The following NFKB1 variants were observed in gnomAD, a reference collection of about 807,000 sequenced individuals.
NFKB1 encodes nuclear factor kappa B subunit 1, also known as nuclear factor NF-kappa-B p105 subunit.
In NFKB1, 9 loss-of-function variants were observed where a neutral mutation model predicts 105.1. The ratio of observed to expected loss-of-function variants is 0.09; its 90% CI spans 0.05 to 0.15. The LOEUF (loss-of-function observed/expected upper bound fraction) is 0.15, where lower values mean the gene tolerates loss of function less well. Ranked by LOEUF, NFKB1 falls within the 10% of genes least tolerant of loss-of-function variation. NFKB1 has a pLI of 1.00. For synonymous variants in NFKB1, 440 were observed against 442.2 expected, an observed-to-expected ratio of 1.00 and a Z score of 0.06; for missense variants, 830 against 1,203.7, an observed-to-expected ratio of 0.69 and a Z score of 4.59.
chr4:102,612,366 A>C, intron 21 of NFKB1, 68 bp from the exon 22 acceptor site: 1 of 1,514,070 alleles, frequency 6.6e-7, no homozygotes, highest in Non-Finnish European at 9.0e-7. Context: ...GCCAGGCAGC[A>C]ATGATCAGTC....
rs1727090411 is a variant in NFKB1 at position 102,600,895 on chromosome 4, T to C, written c.1638T>C (p.Ser546=). The C allele has an allele frequency of 6.5e-7, 1 of 1,530,334 alleles. No homozygotes were observed. The highest frequency in any genetic ancestry group is 9.0e-7 in the Non-Finnish European group (1 of 1,107,194). The allele number at this position is 1,530,334 out of a possible 1,614,324, so 94.8% of individuals were successfully genotyped here. The change falls in exon 16 of 24, where the codon AGT becomes AGC. Residue 546 remains serine (S), a splice_region_variant and synonymous_variant. Transcript: ENST00000226574. ...LTAVQDENGD[S]VLHLAIIHLH... ...TATTGCCACTGTGTTTTCATTCCAG[T>C]GTCTTACACTTAGCAATCATCCACC...
intron 20 of NFKB1, among the ~76,000 whole-genome samples, chr4:102,611,557 A>G (rs933011704): frequency 6.6e-6 from 1 of 152,220 alleles, no homozygotes; most frequent in African/African-American, 2.4e-5. Context: ...CTCAGTTAAA[A>G]TGTCAGTATT....
chr4:102,608,639 A>ATCTGATAT (rs1423900480), intron 19 of NFKB1, among the ~76,000 whole-genome samples: 1 of 147,138 alleles, frequency 6.8e-6, no homozygotes, highest in Non-Finnish European at 1.5e-5. Flanking sequence ...GCCCTGACAT[A>ATCTGATAT]TCTGATATAC....
chr4:102,556,977 G>C (rs1035451805), intron 5 of NFKB1: 1 of 152,064 alleles, frequency 6.6e-6, no homozygotes, highest in Non-Finnish European at 1.5e-5. Flanking sequence ...GAAAGAGAAG[G>C]GTAATTCAAG....
At chr4:102,577,071 A>G (rs1724884228) in intron 7 of NFKB1, 32 bp downstream of exon 7, 1 of 1,596,226 alleles carries the variant, frequency 6.3e-7, no homozygotes, top group Middle Eastern at 1.7e-4. Context: ...TTGATCCTCC[A>G]AGGGGTCCAG....
At chr4:102,595,527 A>G (rs1726537010) in intron 13 of NFKB1, among the ~76,000 whole-genome samples, 3 of 152,244 alleles carry the variant, frequency 2.0e-5, no homozygotes, top group Non-Finnish European at 4.4e-5. Flanking sequence ...TGTTATCTTC[A>G]TGACTGCTCT....
chr4:102,594,825 A>G (rs929178602), intron 12 of NFKB1, 67 bp from the exon 13 acceptor site: 32 of 1,148,168 alleles, frequency 2.8e-5, no homozygotes, highest in Non-Finnish European at 3.8e-5. Context: ...AGAGACAGAC[A>G]CTAAGTTGTG....
rs771511171 is a variant in NFKB1, at chr4:102,593,457, C to T, written c.1099C>T (p.Leu367Phe). 19 of 1,613,622 alleles carry T rather than the reference C, an allele frequency of 1.2e-5. No individual in the cohort carries two copies. In the South Asian group the frequency reaches 2.1e-4, roughly 18 times the overall value. ...AGAAGTGCAGAGGAAACGTCAGAAG[C>T]TCATGCCCAATTTTTCGGATAGTTT... ...KEEVQRKRQK[L>F]MPNFSDSFGG... Residue 367 changes from leucine to phenylalanine, a missense_variant, in exon 12 of 24, where the codon CTC becomes TTC. Physicochemically the swap from Leu to Phe is conservative, Grantham distance 22. This residue lies in a region of NFKB1 where 42 missense variants were observed against 145.7 expected (regional missense o/e 0.29). Transcript: ENST00000226574.
intron 11 of NFKB1, among the ~76,000 whole-genome samples, chr4:102,591,536 G>A (rs1405922560): frequency 1.3e-5 from 2 of 151,920 alleles, no homozygotes; most frequent in Non-Finnish European, 1.5e-5. Flanking sequence ...TAAGAATTAT[G>A]CCAAATCTTC....
intron 8 of NFKB1, among the ~76,000 whole-genome samples, chr4:102,579,646 A>AATAT (rs1553934286): frequency 8.1e-6 from 1 of 124,158 alleles, no homozygotes; most frequent in African/African-American, 3.0e-5. Flanking sequence ...CAAAAAAAAA[A>AATAT]ATATATATAT....
chr4:102,606,795 G>A (rs1331463377), intron 17 of NFKB1, 98 bp downstream of exon 17: 5 of 1,337,944 alleles, frequency 3.7e-6, no homozygotes, highest in Non-Finnish European at 4.1e-6. Flanking sequence ...GCACCCAAAA[G>A]TGCTTTCCTT....
chr4:102,584,783 T>C lies in NFKB1; in HGVS notation c.1029T>C (p.Ser343=), dbSNP rs377158171. The change falls in exon 11 of 24, where the codon AGT becomes AGC. Residue 343 remains serine (S), a synonymous_variant. Transcript: ENST00000226574. ...QLRRKSDLET[S]EPKPFLYYPE... is the part of the protein sequence containing the mutation. ...GGAGGAAATCTGACTTGGAAACTAG[T>C]GAACCAAAACCTTTCCTCTACTATC... 4 of 1,612,876 alleles carry C rather than the reference T, an allele frequency of 2.5e-6. No homozygotes were observed. The African/African-American group carries it at 5.3e-5, about 22-fold the overall frequency.
intron 2 of NFKB1, among the ~76,000 whole-genome samples, chr4:102,527,697 A>G (rs955849938): frequency 4.6e-5 from 7 of 152,224 alleles, no homozygotes; most frequent in East Asian, 1.9e-4. Context: ...CAGCAAAGAC[A>G]TTTGGCTAAT....
chr4:102,557,738 G>A (rs1469746840), intron 5 of NFKB1, among the ~76,000 whole-genome samples: 1 of 152,162 alleles, frequency 6.6e-6, no homozygotes, highest in African/African-American at 2.4e-5. Flanking sequence ...TAGCAGTTAG[G>A]GTGGGAAAAG....
chr4:102,521,053 G>T (rs954513952), intron 1 of NFKB1, among the ~76,000 whole-genome samples: 1 of 151,994 alleles, frequency 6.6e-6, no homozygotes. Flanking sequence ...ATTTTTAACA[G>T]TTGCATATTT....
intron 14 of NFKB1, 139 bp from the exon 15 acceptor site, chr4:102,597,381 G>A (rs1202476720): frequency 1.2e-6 from 1 of 856,580 alleles, no homozygotes; most frequent in Admixed American, 3.2e-5. Flanking sequence ...CAATCCAAAA[G>A]CATTGAAAGA....
chr4:102,606,225 A>G (rs1378849858), intron 16 of NFKB1, among the ~76,000 whole-genome samples: 1 of 152,248 alleles, frequency 6.6e-6, no homozygotes. Context: ...CCTCATAAAT[A>G]TATACAATTA....
chr4:102,591,192 A>G (rs1203636660), intron 11 of NFKB1, among the ~76,000 whole-genome samples: 2 of 152,238 alleles, frequency 1.3e-5, no homozygotes, highest in East Asian at 1.9e-4. Flanking sequence ...CACACCAAAC[A>G]GATTTTCAGT....
chr4:102,503,514 G>C (rs576805473), intron 1 of NFKB1: 1 of 152,148 alleles, frequency 6.6e-6, no homozygotes, highest in African/African-American at 2.4e-5. Context: ...TTTAGGGGTT[G>C]GTGGTGATGT....
Sources: allele counts gnomAD v4.1 joint callset (sites outside exome capture counted in the v4.1 genomes callset), GRCh38; gene constraint gnomAD v4.1.1; regional missense constraint gnomAD v4.1.1; transcripts MANE v1.5; gene names NCBI Gene and HGNC (gene_info 2026-07-23, HGNC 2026-07-21).